ZSWIM4: variants seen among roughly 807,000 people sequenced by gnomAD.
ZSWIM4 encodes zinc finger SWIM domain-containing protein 4.
ZSWIM4 carries 62 observed loss-of-function variants against 102.5 expected under a neutral mutation model. The ratio of observed to expected loss-of-function variants is 0.60; its 90% CI spans 0.49 to 0.75. The LOEUF (loss-of-function observed/expected upper bound fraction) is 0.75, where lower values mean the gene tolerates loss of function less well. Among genes scored for constraint, ZSWIM4 ranks in the 30% least tolerant of loss-of-function variants. The probability of loss-of-function intolerance (pLI) is 0.00; values close to 1 mark genes in which losing one functional copy is unlikely to be tolerated. For missense variants in ZSWIM4, 1,280 were observed against 1,529.6 expected, an observed-to-expected ratio of 0.84 and a Z score of 2.72; for synonymous variants, 652 against 674.5, an observed-to-expected ratio of 0.97 and a Z score of 0.52.
chr19:13,796,512 A>T (rs568295406), intron 1 of ZSWIM4: 1 of 152,328 alleles, frequency 6.6e-6, no homozygotes, highest in Non-Finnish European at 1.5e-5. Context: ...ACTCCTCCAG[A>T]TTCCTCTTTC....
chr19:13,800,027 A>G, intron 2 of ZSWIM4, 106 bp downstream of exon 2: 3 of 1,106,354 alleles, frequency 2.7e-6, no homozygotes, highest in Non-Finnish European at 3.8e-6. Context: ...GGGAGGTTAC[A>G]GACCTCAGGC....
rs912939779 is a variant in ZSWIM4, at chr19:13,814,721, C to T, written c.1387C>T (p.Pro463Ser). ...GGGCCGCCCACTGTGGCTGGGAGAA[C>T]CTTTCCCCACTGCCTGTGCCCGTGT... ...PQGRPLWLGE[P>S]FPTACARVDT... Residue 463 changes from proline (P) to serine (S), a missense_variant, in exon 7 of 14, where the codon CCT becomes TCT. By Grantham distance (74) the Pro-to-Ser change is moderately conservative (BLOSUM62 -1). Transcript: ENST00000590508. 4.7e-6 allele frequency: 6 copies of T among 1,288,494 alleles called. No homozygotes were observed. In the African/African-American group the frequency reaches 6.1e-5, roughly 13 times the overall value. 79.8% of individuals were successfully genotyped at this position (1,288,494 alleles called of 1,614,324 possible).
intron 1 of ZSWIM4, 36 bp downstream of exon 1, chr19:13,795,837 AC>A (rs1182769054): frequency 3.4e-6 from 4 of 1,175,076 alleles, no homozygotes; most frequent in Non-Finnish European, 2.1e-6. Context: ...GCAGGGACGC[AC>A]CCCCAGCACC....
At position 13,828,671 on chromosome 19, in the gene ZSWIM4, G is replaced by T. The variant is rs1196645282; in HGVS notation, c.2406G>T (p.Met802Ile). The T allele has an allele frequency of 1.9e-6, 3 of 1,614,142 alleles. No individual in the cohort carries two copies. Among genetic ancestry groups the T allele is most frequent in the South Asian group, 2.2e-5 (2 of 91,080 alleles). The change falls in exon 13 of 14, where the codon ATG (methionine) becomes ATT (isoleucine). Residue 802 changes from methionine to isoleucine, a missense_variant. Transcript: ENST00000590508. ...TGATGCGGATGACTCTGAACGTAATGACCTGGCGGCGGAGGGAGATGGTGC... is the reference window on the plus strand; with the variant it reads ...TGATGCGGATGACTCTGAACGTAATTACCTGGCGGCGGAGGGAGATGGTGC... ...LQVMRMTLNVMTWRRREMVRW... is the reference protein window; with the variant it reads ...LQVMRMTLNVITWRRREMVRW...
At position 13,819,502 on chromosome 19, in the gene ZSWIM4, G is replaced by T; in HGVS notation, c.2060+10G>T. The T allele has an allele frequency of 6.3e-7, 1 of 1,586,678 alleles. No homozygotes were observed. The highest frequency in any genetic ancestry group is 8.6e-7 in the Non-Finnish European group (1 of 1,166,490). Reference sequence around the variant, plus strand: ...CGCTGCGAGCTATGAGGTGAGGATAGGTGGCCAAGGCAGTGGCAGGGGGAG... The same window carrying T: ...CGCTGCGAGCTATGAGGTGAGGATATGTGGCCAAGGCAGTGGCAGGGGGAG... On this transcript the variant is annotated intron_variant, in intron 10 of 13. Coordinates refer to ENST00000590508, the MANE Select transcript of ZSWIM4 (RefSeq NM_001367834.3).
At chr19:13,813,467 A>T (rs1975165904) in intron 6 of ZSWIM4, among the ~76,000 whole-genome samples, 1 of 151,942 alleles carries the variant, frequency 6.6e-6, no homozygotes, top group Non-Finnish European at 1.5e-5. Context: ...AGGATGAGAG[A>T]GGAAAAAAGG....
In ZSWIM4 at chr19:13,808,852, C is replaced by T. The variant is rs751302136; in HGVS notation, c.729C>T (p.Thr243=). Reference sequence around the variant, plus strand: ...TCCCGGCAGGTGCCCCAGACCCCACCGCCGGCGCAGGAATCGAGGACGCCA... The same window carrying T: ...TCCCGGCAGGTGCCCCAGACCCCACTGCCGGCGCAGGAATCGAGGACGCCA... ...INLVNGAPDP[T]AGAGIEDANC... is the part of the protein sequence containing the mutation. The change falls in exon 4 of 14, where the codon ACC becomes ACT. Residue 243 remains threonine, a synonymous_variant. Coordinates refer to ENST00000590508, the MANE Select transcript of ZSWIM4 (RefSeq NM_001367834.3). The T allele has an allele frequency of 5.0e-6, 8 of 1,607,842 alleles. No homozygotes were observed. The highest frequency in any genetic ancestry group is 6.8e-6 in the Non-Finnish European group (8 of 1,177,368).
chr19:13,806,932 G>A (rs1026481020), intron 3 of ZSWIM4, among the ~76,000 whole-genome samples: 6 of 152,044 alleles, frequency 3.9e-5, no homozygotes, highest in African/African-American at 9.7e-5. Flanking sequence ...ATGGATGGAC[G>A]AATGGGGTAG....
Position 13,817,352 on chromosome 19 carries a change from A to G in ZSWIM4, c.1668A>G (p.Pro556=), listed in dbSNP as rs750441486. The stretch of plus-strand genomic sequence containing the variant: ...AGGAGGAGACACTTACCCTTTACCC[A>G]GGTACTCACATGGGGTACTCTTGGA... ...RLEEETLTLY[P]DSGPEKRKVA... Residue 556 remains proline, a splice_region_variant and synonymous_variant, in exon 8 of 14, where the codon CCA becomes CCG. Coordinates refer to ENST00000590508, the MANE Select transcript of ZSWIM4 (RefSeq NM_001367834.3). 5.0e-6 allele frequency: 8 copies of G among 1,612,478 alleles called. No individual in the cohort carries two copies. Among genetic ancestry groups the G allele is most frequent in the Non-Finnish European group, 6.8e-6 (8 of 1,179,050 alleles).
chr19:13,806,387 G>T (rs1005141462), intron 3 of ZSWIM4, among the ~76,000 whole-genome samples: 2 of 151,930 alleles, frequency 1.3e-5, no homozygotes, highest in African/African-American at 4.8e-5. Context: ...GGAATTGGAA[G>T]CTGAGTGTGG....
chr19:13,823,270 G>GA, intron 10 of ZSWIM4, 76 bp from the exon 11 acceptor site: 1 of 1,498,194 alleles, frequency 6.7e-7, no homozygotes. Flanking sequence ...GGCTGGGCCA[G>GA]GAGGCTTCTC....
Position 13,830,196 on chromosome 19 carries a change from C to G in ZSWIM4, c.2467C>G (p.Gln823Glu), listed in dbSNP as rs1382367091. ...CCTCCCTCACCTCCCACCAGGCCCG[C>G]AAGCCCTGATGAATATCATGCAGAA... is the stretch of plus-strand genomic sequence containing the variant. The part of the protein sequence containing the change: ...LVSCATEIGP[Q>E]ALMNIMQNWY... Residue 823 changes from glutamine (Q) to glutamate (E), a missense_variant, in exon 14 of 14, where the codon CAA (glutamine) becomes GAA (glutamate). Transcript: ENST00000590508. The G allele has an allele frequency of 1.2e-6, 2 of 1,608,466 alleles. No individual in the cohort carries two copies. Among genetic ancestry groups the G allele is most frequent in the Admixed American group, 3.3e-5 (2 of 59,938 alleles).
chr19:13,797,503 T>A (rs574921005), intron 1 of ZSWIM4, among the ~76,000 whole-genome samples: 3 of 152,210 alleles, frequency 2.0e-5, no homozygotes, highest in Non-Finnish European at 4.4e-5. Context: ...GTTCATGATT[T>A]AGTATCAATG....
intron 1 of ZSWIM4, 79 bp downstream of exon 1, chr19:13,795,880 C>T: frequency 2.0e-6 from 2 of 976,370 alleles, no homozygotes; most frequent in Non-Finnish European, 2.6e-6. Flanking sequence ...CCCCACAATC[C>T]CCAGACTCCA....
Position 13,809,931 on chromosome 19 carries a change from A to G in ZSWIM4, c.1012+711A>G, listed in dbSNP as rs2145295706. 6.6e-6 allele frequency among the ~76,000 whole-genome samples: 1 copy of G among 152,070 alleles called. No individual in the cohort carries two copies. The highest frequency in any genetic ancestry group is 2.1e-4 in the South Asian group (1 of 4,812). ...CTTGGCCTCTCAAAGTGCTGGGATG[A>G]CAGGCATGAGCCACTGTACCAAGCT... On this transcript the variant is annotated intron_variant, in intron 5 of 13. Coordinates refer to ENST00000590508, the MANE Select transcript of ZSWIM4 (RefSeq NM_001367834.3). This position sits in a 1 kb window ranked among gnomAD's most constrained non-coding sequence, Gnocchi z 4.2.
chr19:13,804,363 G>T (rs539804720), intron 2 of ZSWIM4, among the ~76,000 whole-genome samples: 1 of 151,886 alleles, frequency 6.6e-6, no homozygotes, highest in Admixed American at 6.6e-5. Context: ...CCAGCTACTC[G>T]GGAAGCTGAG....
rs1975395257 is a variant in ZSWIM4 at position 13,819,363 on chromosome 19, C to T, written c.1931C>T (p.Pro644Leu). ...KQAGLLLEGG[P>L]FSGFGEVLFR... is the part of the protein sequence containing the mutation. The stretch of plus-strand genomic sequence containing the variant: ...GCTCAGGCTGTTCCTGCAGGGGGTC[C>T]CTTCAGTGGCTTTGGGGAGGTGCTG... Residue 644 changes from proline to leucine, a missense_variant, in exon 10 of 14, where the codon CCC becomes CTC. Coordinates refer to ENST00000590508, the MANE Select transcript of ZSWIM4 (RefSeq NM_001367834.3). 6 of 1,613,822 alleles carry T rather than the reference C, an allele frequency of 3.7e-6. No individual in the cohort carries two copies. The African/African-American group carries it at 6.7e-5, about 18-fold the overall frequency.
At chr19:13,823,057 G>A (rs944345929) in intron 10 of ZSWIM4, among the ~76,000 whole-genome samples, 9 of 152,156 alleles carry the variant, frequency 5.9e-5, no homozygotes, top group Admixed American at 2.0e-4. Flanking sequence ...AGGCTGAAGT[G>A]GGAGGATTAC....
intron 2 of ZSWIM4, 143 bp downstream of exon 2, chr19:13,800,064 GA>G (rs1974718272): frequency 2.4e-6 from 1 of 417,194 alleles, no homozygotes; most frequent in Non-Finnish European, 3.7e-6. Flanking sequence ...GATTGTACAA[GA>G]TTTTTTTTTT....
Sources: allele counts gnomAD v4.1 joint callset (sites outside exome capture counted in the v4.1 genomes callset), GRCh38; gene constraint gnomAD v4.1.1; non-coding constraint Gnocchi (gnomAD v3.1); transcripts MANE v1.5; gene names NCBI Gene and HGNC (gene_info 2026-07-23, HGNC 2026-07-21).